Variants in KLHL32 observed in about 807,000 individuals in gnomAD.
KLHL32 encodes the protein kelch-like protein 32.
Under a neutral mutation model 64.8 loss-of-function variants are expected in KLHL32, and 35 were observed. That is an observed-to-expected ratio of 0.54 (90% CI 0.41 to 0.72). The LOEUF (loss-of-function observed/expected upper bound fraction) is 0.72. Among genes scored for constraint, KLHL32 ranks in the 30% least tolerant of loss-of-function variants. KLHL32 has a pLI of 0.00. For missense variants in KLHL32, 589 were observed against 768.5 expected (o/e 0.77, Z 2.76); for synonymous variants, 259 against 281.0 (o/e 0.92, Z 0.78).
intron 6 of KLHL32, among the ~76,000 whole-genome samples, chr6:97,094,968 A>T (rs1794772745): frequency 6.6e-6 from 1 of 152,222 alleles, no homozygotes; most frequent in African/African-American, 2.4e-5. Flanking sequence ...AGGAGGACCT[A>T]TCTTATTAAC....
At position 96,990,562 on chromosome 6, in the gene KLHL32, TG is replaced by T. The variant is rs1188374072; in HGVS notation, c.204+14386del. On this transcript the variant is annotated intron_variant, in intron 3 of 10. Transcript: ENST00000369261. ...GGATTGGCACTCCCAGGGTGCACACTGCAGCTCTGGGGTGAGCTCAGGCTTT... is the reference window on the plus strand; with the variant it reads ...GGATTGGCACTCCCAGGGTGCACACTCAGCTCTGGGGTGAGCTCAGGCTTT... 3.3e-5 allele frequency among the ~76,000 whole-genome samples: 5 copies of T among 152,320 alleles called. No homozygotes were observed. In the East Asian group the frequency reaches 7.7e-4, roughly 24 times the overall value.
At chr6:96,971,889 G>A (rs1775155784) in intron 2 of KLHL32, among the ~76,000 whole-genome samples, 1 of 152,158 alleles carries the variant, frequency 6.6e-6, no homozygotes, top group Admixed American at 6.5e-5. Flanking sequence ...TTTCACTCTT[G>A]TTGCCCAGGC....
chr6:96,932,672 T>A (rs1195273717), intron 1 of KLHL32, among the ~76,000 whole-genome samples: 1 of 146,572 alleles, frequency 6.8e-6, no homozygotes, highest in African/African-American at 2.5e-5. Flanking sequence ...GCTCAAGCAA[T>A]CCTACCACCT....
At chr6:97,051,543 C>T (rs1011101478) in intron 4 of KLHL32, among the ~76,000 whole-genome samples, 1 of 152,124 alleles carries the variant, frequency 6.6e-6, no homozygotes, top group Non-Finnish European at 1.5e-5. Context: ...CAGAAAGTTC[C>T]ATTGCTACAT....
chr6:97,094,616 C>A (rs140645590), intron 6 of KLHL32, among the ~76,000 whole-genome samples: 96 of 152,248 alleles, frequency 6.3e-4, no homozygotes, highest in African/African-American at 2.2e-3. Flanking sequence ...TGTTGATGAA[C>A]TGCAAACCTA....
chr6:96,967,209 A>G, intron 2 of KLHL32, 126 bp downstream of exon 2: 1 of 774,428 alleles, frequency 1.3e-6, no homozygotes, highest in Non-Finnish European at 2.1e-6. Flanking sequence ...AACTAGTCAG[A>G]GCTTTTGTGA....
intron 4 of KLHL32, among the ~76,000 whole-genome samples, chr6:97,054,065 G>C (rs1309251958): frequency 6.6e-6 from 1 of 152,044 alleles, no homozygotes; most frequent in Non-Finnish European, 1.5e-5. Flanking sequence ...GTATATGGGA[G>C]TTTTACAATT....
intron 4 of KLHL32, among the ~76,000 whole-genome samples, chr6:97,045,195 C>T (rs1785739587): frequency 6.6e-6 from 1 of 152,124 alleles, no homozygotes; most frequent in East Asian, 1.9e-4. Flanking sequence ...GGTGATGGAT[C>T]ACAAATTCAA....
At chr6:96,920,246 A>C (rs1385841711), upstream of KLHL32, among the ~76,000 whole-genome samples, 1 of 152,202 alleles carries the variant, frequency 6.6e-6, no homozygotes, top group South Asian at 2.1e-4. Flanking sequence ...CTCTAACACT[A>C]TGAGCACTGC....
intron 1 of KLHL32, among the ~76,000 whole-genome samples, chr6:96,925,893 T>C (rs1400751975): frequency 6.6e-6 from 1 of 152,222 alleles, no homozygotes; most frequent in Non-Finnish European, 1.5e-5. Context: ...CAGATAGAGA[T>C]AGATATAAAA....
At chr6:96,902,844 A>C in the KLHL32 span, among the ~76,000 whole-genome samples, 1 of 152,176 alleles carries the variant, frequency 6.6e-6, no homozygotes, top group South Asian at 2.1e-4. Context: ...TAAATAGGGA[A>C]TCCTTTCCCC....
intron 5 of KLHL32, among the ~76,000 whole-genome samples, chr6:97,084,672 A>G (rs1305303393): frequency 6.6e-6 from 1 of 152,204 alleles, no homozygotes; most frequent in African/African-American, 2.4e-5. Context: ...GAAGTTTTGG[A>G]AAAAGAGCGG....
intron 10 of KLHL32, among the ~76,000 whole-genome samples, chr6:97,134,173 A>C (rs1799740828): frequency 6.6e-6 from 1 of 152,178 alleles, no homozygotes; most frequent in East Asian, 1.9e-4. Context: ...AAATGAACCA[A>C]AAAGTAATCT....
At chr6:97,126,072 G>T (rs532002582) in intron 7 of KLHL32, among the ~76,000 whole-genome samples, 1 of 152,122 alleles carries the variant, frequency 6.6e-6, no homozygotes. Flanking sequence ...GGCCCTCTTG[G>T]TCAGCATTTT....
At chr6:96,952,881 C>T (rs1283874483) in intron 1 of KLHL32, among the ~76,000 whole-genome samples, 2 of 152,172 alleles carry the variant, frequency 1.3e-5, no homozygotes, top group Admixed American at 1.3e-4. Flanking sequence ...TGACTTATGA[C>T]TCAGCCAGGC....
chr6:97,096,137 A>G lies in KLHL32; in HGVS notation c.627+10796A>G, dbSNP rs73505029. 1.4e-3 allele frequency among the ~76,000 whole-genome samples: 210 copies of G among 152,234 alleles called. 1 individual carries two copies. The highest frequency in any genetic ancestry group is 4.9e-3 in the African/African-American group (203 of 41,530). ...CCCCATCTCATCATTCTCACACCCA[A>G]CGTAGCTAATAAAATGGCATAAGTT... On this transcript the variant is annotated intron_variant, in intron 6 of 10. Transcript: ENST00000369261.
intron 3 of KLHL32, among the ~76,000 whole-genome samples, chr6:96,977,781 C>T (rs7751504): frequency 0.42 from 63,582 of 151,908 alleles, 13,484 homozygotes; most frequent in South Asian, 0.55. Flanking sequence ...TTTTAAAAAG[C>T]GTATTAAATG....
At chr6:96,903,756 T>C in the KLHL32 span, among the ~76,000 whole-genome samples, 1 of 152,286 alleles carries the variant, frequency 6.6e-6, no homozygotes, top group East Asian at 1.9e-4. Flanking sequence ...TTTGGTTAAA[T>C]TCAACACCCA....
intron 3 of KLHL32, among the ~76,000 whole-genome samples, chr6:96,989,583 A>G (rs534211068): frequency 6.6e-6 from 1 of 151,934 alleles, no homozygotes; most frequent in East Asian, 1.9e-4. Context: ...CGTCTTGGGG[A>G]TGGTCGTCTT....
Sources: gnomAD v4.1 joint callset for allele counts (sites outside exome capture counted in the v4.1 genomes callset) on GRCh38, gnomAD v4.1.1 for gene constraint, MANE v1.5 for transcripts, NCBI Gene and HGNC (gene_info 2026-07-23, HGNC 2026-07-21) for gene names.